The following STIM2 variants were observed in gnomAD, a reference collection of about 807,000 sequenced individuals.
STIM2 encodes stromal interaction molecule 2.
In STIM2, 31 loss-of-function variants were observed where a neutral mutation model predicts 85.8. The observed-to-expected ratio is 0.36, with a 90% CI of 0.27 to 0.49. The LOEUF is 0.49. STIM2 is among the 20% of genes least tolerant of loss of function. The pLI, the probability that STIM2 is intolerant of heterozygous loss-of-function variation, is 0.98. For synonymous variants in STIM2, 356 were observed against 331.1 expected, an observed-to-expected ratio of 1.08 and a Z score of -0.82; for missense variants, 841 against 927.6, an observed-to-expected ratio of 0.91 and a Z score of 1.21.
At chr4:27,004,553 A>G (rs1728270544) in intron 7 of STIM2, among the ~76,000 whole-genome samples, 1 of 152,138 alleles carries the variant, frequency 6.6e-6, no homozygotes, top group African/African-American at 2.4e-5. Context: ...GAATTCTTCT[A>G]CAGAGATATA....
At chr4:26,914,744 G>A (rs1472384641) in intron 1 of STIM2, among the ~76,000 whole-genome samples, 4 of 152,140 alleles carry the variant, frequency 2.6e-5, no homozygotes, top group South Asian at 2.1e-4. Context: ...GTAAAGTTAC[G>A]ATACAATATA....
intron 3 of STIM2, among the ~76,000 whole-genome samples, chr4:26,985,814 A>G (rs1371364850): frequency 6.6e-6 from 1 of 152,246 alleles, no homozygotes; most frequent in South Asian, 2.1e-4. Flanking sequence ...TTAACAAGCC[A>G]GTTGCTTTCT....
chr4:26,873,741 AG>A (rs1422361486), intron 1 of STIM2: 2 of 880,122 alleles, frequency 2.3e-6, no homozygotes, highest in East Asian at 5.4e-5. Flanking sequence ...CTGCCTCCAC[AG>A]GCTCTAGGTC....
At chr4:26,969,181 T>C (rs142793896) in intron 3 of STIM2, among the ~76,000 whole-genome samples, 11 of 152,330 alleles carry the variant, frequency 7.2e-5, no homozygotes, top group Admixed American at 2.6e-4. Flanking sequence ...CTAACAATTT[T>C]TAAATCCTTC....
intron 7 of STIM2, among the ~76,000 whole-genome samples, chr4:27,005,601 C>T (rs1728307535): frequency 6.6e-6 from 1 of 152,122 alleles, no homozygotes. Context: ...GTTCATTCCC[C>T]TGTAAACAAC....
At chr4:26,963,309 A>G (rs1344527213) in intron 3 of STIM2, among the ~76,000 whole-genome samples, 5 of 152,186 alleles carry the variant, frequency 3.3e-5, no homozygotes, top group Non-Finnish European at 7.4e-5. Context: ...TCTGGGTATG[A>G]AAGTATAAAG....
At chr4:26,982,061 G>A (rs1039766274) in intron 3 of STIM2, among the ~76,000 whole-genome samples, 43 of 147,988 alleles carry the variant, frequency 2.9e-4, no homozygotes, top group African/African-American at 1.0e-3. Context: ...AATTTTTTTT[G>A]CCTGACTTAA....
intron 1 of STIM2, among the ~76,000 whole-genome samples, chr4:26,864,209 A>G (rs762236937): frequency 4.6e-5 from 7 of 152,128 alleles, no homozygotes; most frequent in Non-Finnish European, 8.8e-5. Flanking sequence ...AGACAGAACC[A>G]ATATTCATAA....
chr4:26,941,667 A>C (rs562050851), intron 2 of STIM2, among the ~76,000 whole-genome samples: 63 of 151,272 alleles, frequency 4.2e-4, no homozygotes, highest in African/African-American at 1.3e-3. Flanking sequence ...ACTATGTAGC[A>C]AATTAATGGG....
rs140140923 is a variant in STIM2 at position 26,994,222 on chromosome 4, A to G, written c.398-1157A>G. On this transcript the variant is annotated intron_variant, in intron 3 of 11. Coordinates refer to ENST00000467087, the MANE Select transcript of STIM2 (RefSeq NM_020860.4). ...ATCTACACTTAAATGTCAAATGCATACTTCAAACATAACGTGTCTTAAAAC... is the reference window on the plus strand; with the variant it reads ...ATCTACACTTAAATGTCAAATGCATGCTTCAAACATAACGTGTCTTAAAAC... 1.1e-3 allele frequency among the ~76,000 whole-genome samples: 163 copies of G among 152,228 alleles called. No individual in the cohort carries two copies. The East Asian group carries it at 0.022, about 21-fold the overall frequency.
At chr4:26,901,827 C>G (rs78797316) in intron 1 of STIM2, among the ~76,000 whole-genome samples, 23,507 of 152,130 alleles carry the variant, frequency 0.15, 2,199 homozygotes, top group Middle Eastern at 0.25. Flanking sequence ...TGAAATTCTT[C>G]TTATCCCTTT....
At chr4:26,929,458 A>G (rs1560210270) in intron 2 of STIM2, among the ~76,000 whole-genome samples, 1 of 152,098 alleles carries the variant, frequency 6.6e-6, no homozygotes, top group Non-Finnish European at 1.5e-5. Flanking sequence ...GAGACTTTAT[A>G]CGTTTGATAG....
intron 1 of STIM2, among the ~76,000 whole-genome samples, chr4:26,865,836 G>T (rs1246646803): frequency 2.6e-5 from 4 of 152,018 alleles, no homozygotes; most frequent in Admixed American, 2.6e-4. Flanking sequence ...TTAAAAAAAA[G>T]AATAAGATGT....
In STIM2 at chr4:26,861,379, C is replaced by CG; in HGVS notation, c.151+16dup. On this transcript the variant is annotated intron_variant, in intron 1 of 11. Coordinates refer to ENST00000467087, the MANE Select transcript of STIM2 (RefSeq NM_020860.4). The stretch of plus-strand genomic sequence containing the variant: ...CCGGCGCTCATGACAGGTGAGGGGC[C>CG]GGGGGGCGGCGGGCGGGGCTCGGCC... 1.2e-5 allele frequency: 16 copies of CG among 1,287,898 alleles called. No individual in the cohort carries two copies. The highest frequency in any genetic ancestry group is 1.5e-5 in the Non-Finnish European group (15 of 1,021,822). The allele number at this position is 1,287,898 out of a possible 1,614,324, so 79.8% of individuals were successfully genotyped here.
intron 3 of STIM2, among the ~76,000 whole-genome samples, chr4:26,971,355 T>C (rs962757611): frequency 7.2e-5 from 11 of 152,196 alleles, no homozygotes; most frequent in Admixed American, 2.6e-4. Flanking sequence ...TAGGTTTTCT[T>C]CTAGCGTTTT....
chr4:26,915,419 G>A (rs1724500373), intron 1 of STIM2, among the ~76,000 whole-genome samples: 1 of 152,010 alleles, frequency 6.6e-6, no homozygotes, highest in African/African-American at 2.4e-5. Flanking sequence ...ATTTTTCGTA[G>A]GGATAGGGTT....
chr4:26,934,598 A>G (rs1725326573), intron 2 of STIM2, among the ~76,000 whole-genome samples: 1 of 152,186 alleles, frequency 6.6e-6, no homozygotes. Context: ...TACTTGTGAT[A>G]CCTGTAAGAA....
intron 3 of STIM2, among the ~76,000 whole-genome samples, chr4:26,962,421 C>T (rs540373740): frequency 4.6e-5 from 7 of 152,286 alleles, no homozygotes; most frequent in African/African-American, 1.7e-4. Flanking sequence ...TATATATTTA[C>T]CAGCATTGTG....
intron 1 of STIM2, among the ~76,000 whole-genome samples, chr4:26,900,300 C>T (rs750290411): frequency 1.4e-4 from 21 of 152,080 alleles, no homozygotes; most frequent in Non-Finnish European, 2.9e-4. Flanking sequence ...TTGAGAGAAG[C>T]TTTGACTTTA....
Sources: allele counts gnomAD v4.1 joint callset (sites outside exome capture counted in the v4.1 genomes callset), GRCh38; gene constraint gnomAD v4.1.1; transcripts MANE v1.5; gene names NCBI Gene and HGNC (gene_info 2026-07-23, HGNC 2026-07-21).